STPG2: variants seen among roughly 807,000 people sequenced by gnomAD.
STPG2 encodes sperm-tail PG-rich repeat-containing protein 2.
A neutral mutation model predicts 54.2 loss-of-function variants in STPG2; 56 were observed. That is an observed-to-expected ratio of 1.03 (90% CI 0.83 to 1.29). The LOEUF (loss-of-function observed/expected upper bound fraction) is 1.29, where lower values mean the gene tolerates loss of function less well. Among genes scored for constraint, STPG2 ranks in the 50% most tolerant of loss-of-function variants. The pLI, the probability that STPG2 is intolerant of heterozygous loss-of-function variation, is 0.00. For missense variants in STPG2, 596 were observed against 544.9 expected, an observed-to-expected ratio of 1.09 and a Z score of -0.93; for synonymous variants, 200 against 181.8, an observed-to-expected ratio of 1.10 and a Z score of -0.81.
rs17027168 is a variant in STPG2 at position 98,038,866 on chromosome 4, T to C, written c.613-57548A>G. Among the ~76,000 whole-genome samples the C allele has an allele frequency of 8.3e-3, 1,266 of 151,978 alleles. 14 individuals are homozygous for C. The highest frequency in any genetic ancestry group is 0.029 in the African/African-American group (1,190 of 41,494). On this transcript the variant is annotated intron_variant, in intron 5 of 10. Coordinates refer to ENST00000295268, the MANE Select transcript of STPG2 (RefSeq NM_174952.3). ...GGCAGAGAATATGAACAGGAATTCA[T>C]AGAAGAGGAAATAGAAACAGCAAAT...
At chr4:97,890,349 T>A (rs1433089627) in intron 8 of STPG2, among the ~76,000 whole-genome samples, 1 of 151,994 alleles carries the variant, frequency 6.6e-6, no homozygotes, top group Non-Finnish European at 1.5e-5. Context: ...ACACCAAATT[T>A]AAAAAAATTT....
intron 4 of STPG2, among the ~76,000 whole-genome samples, chr4:97,547,933 C>T (rs1006254797): frequency 1.3e-5 from 2 of 151,800 alleles, no homozygotes; most frequent in African/African-American, 4.8e-5. Context: ...GGCGGAACAC[C>T]TGAGGTCGGG....
At chr4:98,055,245 A>T (rs1306019468) in intron 5 of STPG2, among the ~76,000 whole-genome samples, 1 of 152,134 alleles carries the variant, frequency 6.6e-6, no homozygotes, top group Non-Finnish European at 1.5e-5. Context: ...TCAAGACAGC[A>T]GTGGAGGAGA....
At chr4:97,839,801 T>C (rs1728742533) in intron 9 of STPG2, among the ~76,000 whole-genome samples, 1 of 151,724 alleles carries the variant, frequency 6.6e-6, no homozygotes. Flanking sequence ...CAAGTATTAT[T>C]TGCTGGATAA....
chr4:97,625,775 T>A (rs529690486), intron 10 of STPG2, among the ~76,000 whole-genome samples: 2 of 152,220 alleles, frequency 1.3e-5, no homozygotes, highest in African/African-American at 4.8e-5. Context: ...TTCTTTCCTA[T>A]AGCTGGAGTG....
chr4:97,627,996 C>A (rs774463227), intron 10 of STPG2, among the ~76,000 whole-genome samples: 4 of 152,100 alleles, frequency 2.6e-5, no homozygotes, highest in Non-Finnish European at 5.9e-5. Context: ...ATGAGACCCG[C>A]CCACATTGGG....
chr4:97,784,604 T>G (rs1252677487), intron 9 of STPG2, among the ~76,000 whole-genome samples: 8 of 151,982 alleles, frequency 5.3e-5, no homozygotes, highest in Non-Finnish European at 1.2e-4. Context: ...AGTAGAAAAG[T>G]ATAGTTCTAT....
At chr4:97,497,235 A>G (rs1730629710) in intron 4 of STPG2, among the ~76,000 whole-genome samples, 1 of 151,866 alleles carries the variant, frequency 6.6e-6, no homozygotes, top group Admixed American at 6.6e-5. Context: ...AAGCTAGAAA[A>G]TAATTAGCAA....
At chr4:97,465,610 A>G (rs934296201) in intron 4 of STPG2, among the ~76,000 whole-genome samples, 2 of 152,192 alleles carry the variant, frequency 1.3e-5, no homozygotes, top group African/African-American at 2.4e-5. Flanking sequence ...ACCCCAGTGC[A>G]TACCAAAATC....
At chr4:97,680,065 C>G (rs1405437438) in intron 10 of STPG2, among the ~76,000 whole-genome samples, 5 of 151,992 alleles carry the variant, frequency 3.3e-5, no homozygotes, top group Admixed American at 6.6e-5. Flanking sequence ...TAGTGTGATG[C>G]CTCCAGCTTT....
chr4:97,994,513 G>A (rs747068887), intron 5 of STPG2, among the ~76,000 whole-genome samples: 1 of 152,080 alleles, frequency 6.6e-6, no homozygotes, highest in Non-Finnish European at 1.5e-5. Context: ...TAACTCTATT[G>A]CCTCCCCTAT....
intron 10 of STPG2, among the ~76,000 whole-genome samples, chr4:97,594,943 G>A (rs955110223): frequency 2.0e-5 from 3 of 152,138 alleles, no homozygotes; most frequent in Non-Finnish European, 2.9e-5. Context: ...TAAAAAGTCA[G>A]GAAACAACAG....
chr4:97,977,931 A>C (rs2149261045), intron 6 of STPG2, among the ~76,000 whole-genome samples: 1 of 152,340 alleles, frequency 6.6e-6, no homozygotes, highest in South Asian at 2.1e-4. Flanking sequence ...AGCATGGAGA[A>C]ATGATAACTG....
intron 5 of STPG2, among the ~76,000 whole-genome samples, chr4:98,095,182 T>C (rs946173877): frequency 2.0e-5 from 3 of 151,892 alleles, no homozygotes; most frequent in Non-Finnish European, 2.9e-5. Flanking sequence ...ACATACAACA[T>C]ATAAGCAAAA....
intron 8 of STPG2, among the ~76,000 whole-genome samples, chr4:97,888,918 T>C (rs1426001941): frequency 6.6e-6 from 1 of 152,014 alleles, no homozygotes; most frequent in South Asian, 2.1e-4. Flanking sequence ...TACAGTTATT[T>C]AAAAGTGTAT....
At chr4:98,084,157 A>C (rs528042007) in intron 5 of STPG2, among the ~76,000 whole-genome samples, 2 of 152,256 alleles carry the variant, frequency 1.3e-5, no homozygotes, top group South Asian at 4.1e-4. Flanking sequence ...TTCTGTTATT[A>C]TAGATTTGTC....
chr4:98,062,480 A>T (rs1737693781), intron 5 of STPG2, among the ~76,000 whole-genome samples: 1 of 152,210 alleles, frequency 6.6e-6, no homozygotes, highest in African/African-American at 2.4e-5. Context: ...AAAAACTTGT[A>T]TTTGGAATAA....
chr4:97,884,414 A>T (rs565128478), intron 8 of STPG2, among the ~76,000 whole-genome samples: 49 of 152,264 alleles, frequency 3.2e-4, no homozygotes, highest in South Asian at 2.3e-3. Context: ...TCAAATTGAG[A>T]TTCTTTTTAT....
chr4:97,820,096 C>T (rs905868963), intron 9 of STPG2, among the ~76,000 whole-genome samples: 1 of 152,014 alleles, frequency 6.6e-6, no homozygotes, highest in Non-Finnish European at 1.5e-5. Context: ...GTAATTTTCT[C>T]AATATTTCAG....
Sources: gnomAD v4.1 joint callset for allele counts (sites outside exome capture counted in the v4.1 genomes callset) on GRCh38, gnomAD v4.1.1 for gene constraint, MANE v1.5 for transcripts, NCBI Gene and HGNC (gene_info 2026-07-23, HGNC 2026-07-21) for gene names.